The following DENND5B variants were observed in gnomAD, a reference collection of about 807,000 sequenced individuals.
The protein encoded by DENND5B is DENN domain-containing protein 5B.
DENND5B carries 34 observed loss-of-function variants against 140.6 expected under a neutral mutation model. The observed-to-expected ratio is 0.24, with a 90% confidence interval of 0.18 to 0.32. The LOEUF is 0.32. Among genes scored for constraint, DENND5B ranks in the 10% least tolerant of loss-of-function variants. The pLI, the probability that DENND5B is intolerant of heterozygous loss-of-function variation, is 1.00. For missense variants in DENND5B, 1,142 were observed against 1,560.2 expected, an observed-to-expected ratio of 0.73 and a Z score of 4.52; for synonymous variants, 551 against 562.1, an observed-to-expected ratio of 0.98 and a Z score of 0.28.
chr12:31,547,809 A>G (rs1258054793), intron 1 of DENND5B, among the ~76,000 whole-genome samples: 5 of 151,988 alleles, frequency 3.3e-5, no homozygotes, highest in African/African-American at 1.2e-4. Flanking sequence ...GGTTCAAGCA[A>G]TTCTCCTGCC....
chr12:31,543,336 C>T (rs1376951073), intron 1 of DENND5B, among the ~76,000 whole-genome samples: 1 of 152,174 alleles, frequency 6.6e-6, no homozygotes, highest in African/African-American at 2.4e-5. Context: ...CCTTACACTC[C>T]AAGTCATTAG....
rs370329429 is a variant in DENND5B at position 31,414,913 on chromosome 12, C to T, written c.2552+454G>A. Among the ~76,000 whole-genome samples the T allele has an allele frequency of 9.0e-4, 124 of 137,896 alleles. No homozygotes were observed. In the East Asian group the frequency reaches 0.021, roughly 24 times the overall value. The allele number at this position is 137,896 out of a possible 152,430, so 90.5% of individuals were successfully genotyped here. A position where few individuals can be genotyped will look rare whatever the true frequency, so the allele number is the denominator to read the frequency against. On this transcript the variant is annotated intron_variant, in intron 12 of 20. Transcript: ENST00000389082. ...CTCCAGCCTGGGCAACAGAATGAGA[C>T]GCCATCTCAAAAAAAAAAAAAAAGC...
intron 1 of DENND5B, among the ~76,000 whole-genome samples, chr12:31,498,956 G>C (rs924589879): frequency 7.9e-6 from 1 of 125,942 alleles, no homozygotes; most frequent in Non-Finnish European, 1.6e-5. Context: ...CTGGGTGACA[G>C]AGTAAGGCTC....
chr12:31,405,012 G>A (rs1942042335), intron 14 of DENND5B, among the ~76,000 whole-genome samples: 1 of 151,700 alleles, frequency 6.6e-6, no homozygotes, highest in African/African-American at 2.4e-5. Context: ...TGCTCACCTC[G>A]GCCTCCCAAA....
chr12:31,412,170 A>C (rs1942495858), intron 13 of DENND5B, among the ~76,000 whole-genome samples: 1 of 151,442 alleles, frequency 6.6e-6, no homozygotes, highest in Admixed American at 6.6e-5. Flanking sequence ...CTGGTCTCGA[A>C]CTCCTGACCT....
intron 5 of DENND5B, among the ~76,000 whole-genome samples, chr12:31,450,644 C>CA (rs1178820948): frequency 6.6e-6 from 1 of 152,158 alleles, no homozygotes; most frequent in Admixed American, 6.5e-5. Flanking sequence ...TGTGAGCCAC[C>CA]ATGCCCAGCC....
At position 31,388,470 on chromosome 12, in the gene DENND5B, T is replaced by C. The variant is rs759501736; in HGVS notation, c.3642-684A>G. Among the ~76,000 whole-genome samples the C allele has an allele frequency of 3.9e-5, 6 of 152,122 alleles. No individual in the cohort carries two copies. The South Asian group carries it at 8.3e-4, about 21-fold the overall frequency. ...AACTTAGTTCTGTAAACCAGCTGTT[T>C]CAGGAAGATAAAACCTCACATCTTC... On this transcript the variant is annotated intron_variant, in intron 20 of 20. Transcript: ENST00000389082.
chr12:31,482,501 C>T (rs1946105499), intron 2 of DENND5B, among the ~76,000 whole-genome samples: 1 of 152,146 alleles, frequency 6.6e-6, no homozygotes, highest in African/African-American at 2.4e-5. Flanking sequence ...TCTCACTTAC[C>T]CCATTATCCA....
intron 17 of DENND5B, 127 bp downstream of exon 17, chr12:31,398,048 G>A: frequency 1.1e-6 from 1 of 934,030 alleles, no homozygotes; most frequent in Non-Finnish European, 1.5e-6. Flanking sequence ...GAATATTTAT[G>A]AATTTTCCTC....
chr12:31,469,950 CCT>C (rs1228018468), intron 3 of DENND5B, among the ~76,000 whole-genome samples: 1 of 151,872 alleles, frequency 6.6e-6, no homozygotes, highest in Non-Finnish European at 1.5e-5. Flanking sequence ...GCCAAATAAA[CCT>C]CTTTTATTTT....
At chr12:31,402,816 T>C (rs571942329) in intron 14 of DENND5B, among the ~76,000 whole-genome samples, 173 bp from the exon 15 acceptor site, 19 of 152,272 alleles carry the variant, frequency 1.2e-4, no homozygotes, top group Admixed American at 1.2e-3. Flanking sequence ...AAAGATGAGA[T>C]CTAGTTTGCA....
At position 31,387,774 on chromosome 12, in the gene DENND5B, G is replaced by C. The variant is rs1218969057; in HGVS notation, c.3654C>G (p.Leu1218=). The part of the protein sequence containing the change: ...LVCLGTRDRL[L]PQWIPLLAEC... Reference sequence around the variant, plus strand: ...CAGCTAACAATGGAATCCACTGTGGGAGCAGGCGATCCCTACAGACCCAAA... The same window carrying C: ...CAGCTAACAATGGAATCCACTGTGGCAGCAGGCGATCCCTACAGACCCAAA... The change falls in exon 21 of 21, where the codon CTC becomes CTG. Residue 1218 remains leucine, a synonymous_variant. Coordinates refer to ENST00000389082, the MANE Select transcript of DENND5B (RefSeq NM_144973.4). The C allele has an allele frequency of 6.2e-7, 1 of 1,613,420 alleles. No individual in the cohort carries two copies. Among genetic ancestry groups the C allele is most frequent in the African/African-American group, 1.3e-5 (1 of 74,916 alleles).
chr12:31,425,721 T>C (rs1943199216), intron 9 of DENND5B, among the ~76,000 whole-genome samples: 1 of 152,218 alleles, frequency 6.6e-6, no homozygotes, highest in Admixed American at 6.5e-5. Context: ...TAGTAGTACA[T>C]TTATTGAATA....
chr12:31,479,342 AAT>A (rs772718513), intron 3 of DENND5B, among the ~76,000 whole-genome samples: 2 of 152,230 alleles, frequency 1.3e-5, no homozygotes, highest in Non-Finnish European at 1.5e-5. Flanking sequence ...TTAATAAATA[AAT>A]ATACCCAAAT....
intron 1 of DENND5B, among the ~76,000 whole-genome samples, chr12:31,583,574 A>T (rs2139495801): frequency 6.6e-6 from 1 of 152,090 alleles, no homozygotes; most frequent in East Asian, 1.9e-4. Flanking sequence ...GCTACTTGGG[A>T]GGCTGAGGCA....
intron 17 of DENND5B, 95 bp downstream of exon 17, chr12:31,398,080 T>C: frequency 8.7e-7 from 1 of 1,154,344 alleles, no homozygotes; most frequent in South Asian, 1.7e-5. Flanking sequence ...TTTTAAAATC[T>C]CCTCACTACA....
chr12:31,491,017 T>C (rs1150942), intron 2 of DENND5B, among the ~76,000 whole-genome samples: 122,463 of 152,164 alleles, frequency 0.8, 49,662 homozygotes, highest in African/African-American at 0.89. Context: ...TTATTGACCA[T>C]GTTTTCTTCC....
At position 31,497,225 on chromosome 12, in the gene DENND5B, A is replaced by G. The variant is rs183822176; in HGVS notation, c.128-1306T>C. On this transcript the variant is annotated intron_variant, in intron 1 of 20. Transcript: ENST00000389082. ...TAGGAATTTTTTTGAACAAGGACACATAATTTAAATACATTTGCTTAGGCA... is the reference window on the plus strand; with the variant it reads ...TAGGAATTTTTTTGAACAAGGACACGTAATTTAAATACATTTGCTTAGGCA... 1.7e-3 allele frequency among the ~76,000 whole-genome samples: 260 copies of G among 152,332 alleles called. 1 individual carries two copies. The highest frequency in any genetic ancestry group is 7.4e-4 in the Non-Finnish European group (50 of 68,026).
intron 1 of DENND5B, among the ~76,000 whole-genome samples, chr12:31,521,908 T>C (rs958546420): frequency 3.3e-5 from 5 of 152,226 alleles, no homozygotes; most frequent in Non-Finnish European, 7.3e-5. Context: ...ATCCCCTGCA[T>C]AAAATCTTTC....
Sources: gnomAD v4.1 joint callset for allele counts (sites outside exome capture counted in the v4.1 genomes callset) on GRCh38, gnomAD v4.1.1 for gene constraint, MANE v1.5 for transcripts, NCBI Gene and HGNC (gene_info 2026-07-23, HGNC 2026-07-21) for gene names.